ARMC8: variants seen among roughly 807,000 people sequenced by gnomAD.
ARMC8 encodes the protein armadillo repeat-containing protein 8.
ARMC8 carries 20 observed loss-of-function variants against 99.3 expected under a neutral mutation model. The observed-to-expected ratio is 0.20, with a 90% CI of 0.14 to 0.29. The LOEUF (loss-of-function observed/expected upper bound fraction) is 0.29, where lower values mean the gene tolerates loss of function less well. Ranked by LOEUF, ARMC8 falls within the 10% of genes least tolerant of loss-of-function variation. The pLI, the probability that ARMC8 is intolerant of heterozygous loss-of-function variation, is 1.00. For missense variants in ARMC8, 569 were observed against 809.5 expected (o/e 0.70, Z 3.60); for synonymous variants, 263 against 278.3 (o/e 0.95, Z 0.55).
At chr3:138,270,161 C>G (rs183452792) in intron 16 of ARMC8, 29 bp downstream of exon 16, 1 of 1,449,134 alleles carries the variant, frequency 6.9e-7, no homozygotes, top group Non-Finnish European at 9.7e-7. Flanking sequence ...TATATCATAA[C>G]TTACAAAAGG....
At chr3:138,268,500 AG>A (rs1186467080) in intron 15 of ARMC8, among the ~76,000 whole-genome samples, 1 of 152,204 alleles carries the variant, frequency 6.6e-6, no homozygotes, top group African/African-American at 2.4e-5. Flanking sequence ...CAGGATATTT[AG>A]GGTCTAGTTA....
intron 12 of ARMC8, among the ~76,000 whole-genome samples, chr3:138,247,553 C>T (rs181721903): frequency 1.4e-4 from 21 of 152,198 alleles, no homozygotes; most frequent in Admixed American, 1.0e-3. Context: ...TCAATACATT[C>T]GGTAAATAAC....
At position 138,297,335 on chromosome 3, in the gene ARMC8, T is replaced by C. The variant is rs2051572509; in HGVS notation, c.*1443T>C. ...AGCAGCAAGGTGAACTCAACAGAAG[T>C]TGCTCTTGACTGTTTGAAGGTAGAA... On this transcript the variant is annotated 3_prime_UTR_variant, in exon 22 of 22. Transcript: ENST00000469044. 1 of 152,166 alleles carries C rather than the reference T, an allele frequency of 6.6e-6. No individual in the cohort carries two copies. Among genetic ancestry groups the C allele is most frequent in the Non-Finnish European group, 1.5e-5 (1 of 68,026 alleles). The allele number at this position is 152,166 out of a possible 1,614,324, so 9.4% of individuals were successfully genotyped here. A position where few individuals can be genotyped will look rare whatever the true frequency, so the allele number is the denominator to read the frequency against.
chr3:138,188,335 G>A (rs2043191624), intron 1 of ARMC8: 1 of 1,305,242 alleles, frequency 7.7e-7, no homozygotes, highest in Admixed American at 2.9e-5. Flanking sequence ...TTTCCCCATT[G>A]TTGAAAGAAG....
chr3:138,199,961 T>C (rs978688636), intron 1 of ARMC8, among the ~76,000 whole-genome samples: 3 of 152,196 alleles, frequency 2.0e-5, no homozygotes, highest in Admixed American at 2.0e-4. Flanking sequence ...GTTTTAGGGA[T>C]AGAAGGAGGT....
intron 15 of ARMC8, among the ~76,000 whole-genome samples, chr3:138,268,776 A>G (rs1164644740): frequency 6.6e-6 from 1 of 151,890 alleles, no homozygotes; most frequent in African/African-American, 2.4e-5. Context: ...ACCCTGTCTG[A>G]AAAAATTAAA....
At chr3:138,290,697 G>T in intron 21 of ARMC8, 58 bp downstream of exon 21, 1 of 1,131,656 alleles carries the variant, frequency 8.8e-7, no homozygotes, top group East Asian at 2.6e-5. Context: ...TTCGTGAAAG[G>T]GTTTGAATTG....
At chr3:138,212,138 A>G (rs1250040238) in intron 2 of ARMC8, among the ~76,000 whole-genome samples, 1 of 152,074 alleles carries the variant, frequency 6.6e-6, no homozygotes, top group African/African-American at 2.4e-5. Flanking sequence ...AGTAATACTG[A>G]TCTTATGGAG....
At chr3:138,260,071 C>T (rs951174444) in intron 12 of ARMC8, among the ~76,000 whole-genome samples, 7 of 152,146 alleles carry the variant, frequency 4.6e-5, no homozygotes, top group Admixed American at 1.3e-4. Context: ...TCTTCCTCAC[C>T]GTTTTGTTTT....
chr3:138,239,638 A>G, intron 10 of ARMC8, 110 bp downstream of exon 10: 1 of 583,496 alleles, frequency 1.7e-6, no homozygotes, highest in Non-Finnish European at 2.9e-6. Flanking sequence ...ATATATGTGC[A>G]TGGCGTAGAA....
chr3:138,278,223 G>A (rs189724729), intron 18 of ARMC8, among the ~76,000 whole-genome samples: 157 of 152,094 alleles, frequency 1.0e-3, no homozygotes, highest in African/African-American at 3.7e-3. Context: ...TATACATTTG[G>A]TAGGCCAGGC....
chr3:138,254,723 T>G (rs2047297397), intron 12 of ARMC8, among the ~76,000 whole-genome samples: 1 of 152,184 alleles, frequency 6.6e-6, no homozygotes, highest in Non-Finnish European at 1.5e-5. Context: ...GTTTATACCT[T>G]TGGTTTTGGG....
rs2046641480 is a variant in ARMC8 at position 138,241,839 on chromosome 3, TG to T, written c.895del (p.Glu299LysfsTer9). 6.2e-7 allele frequency: 1 copy of T among 1,613,952 alleles called. No homozygotes were observed. The highest frequency in any genetic ancestry group is 8.5e-7 in the Non-Finnish European group (1 of 1,179,998). On this transcript the variant is annotated frameshift_variant, in exon 11 of 22. Coordinates refer to ENST00000469044, the MANE Select transcript of ARMC8 (RefSeq NM_001363941.2). LOFTEE classifies it high-confidence loss of function. ...SKERLLEERV[E>X]GAETLAYLIE... ...AGGAGAGATTACTAGAGGAGAGAGTTGAAGGAGCTGAGACACTTGCCTATCT... is the reference window on the plus strand; with the variant it reads ...AGGAGAGATTACTAGAGGAGAGAGTTAAGGAGCTGAGACACTTGCCTATCT...
At chr3:138,230,874 T>G (rs1226804823) in intron 6 of ARMC8, among the ~76,000 whole-genome samples, 3 of 152,232 alleles carry the variant, frequency 2.0e-5, no homozygotes, top group African/African-American at 4.8e-5. Flanking sequence ...ACATAGGGAT[T>G]GCTCATCTGA....
At chr3:138,200,477 A>G (rs895256513) in intron 1 of ARMC8, among the ~76,000 whole-genome samples, 15 of 152,296 alleles carry the variant, frequency 9.8e-5, no homozygotes, top group African/African-American at 3.6e-4. Context: ...TGTAAAATGG[A>G]ATTATACTCT....
chr3:138,236,310 C>T (rs986601325), intron 7 of ARMC8, among the ~76,000 whole-genome samples: 6 of 152,196 alleles, frequency 3.9e-5, no homozygotes, highest in African/African-American at 1.4e-4. Flanking sequence ...AAGGCTAAAC[C>T]AGTCAGCACT....
intron 14 of ARMC8, among the ~76,000 whole-genome samples, chr3:138,266,725 C>T (rs565043573): frequency 2.0e-5 from 3 of 152,248 alleles, no homozygotes; most frequent in East Asian, 3.9e-4. Flanking sequence ...CTGCTTGATT[C>T]GTCAGTGCTC....
At chr3:138,283,237 T>C (rs1037867448) in intron 18 of ARMC8, among the ~76,000 whole-genome samples, 1 of 152,246 alleles carries the variant, frequency 6.6e-6, no homozygotes, top group Non-Finnish European at 1.5e-5. Context: ...CTTTAGGATA[T>C]TTTGGGGCTT....
intron 17 of ARMC8, among the ~76,000 whole-genome samples, chr3:138,273,831 T>C (rs888112893): frequency 2.6e-5 from 4 of 152,088 alleles, no homozygotes; most frequent in African/African-American, 9.7e-5. Flanking sequence ...CTTTTTTTTT[T>C]TTTGAGACAG....
Sources: allele counts gnomAD v4.1 joint callset (sites outside exome capture counted in the v4.1 genomes callset), GRCh38; gene constraint gnomAD v4.1.1; transcripts MANE v1.5; gene names NCBI Gene and HGNC (gene_info 2026-07-23, HGNC 2026-07-21).